EPHB1: variants seen among roughly 807,000 people sequenced by gnomAD.
The protein encoded by EPHB1 is EPH receptor B1, also known as ephrin type-B receptor 1.
Under a neutral mutation model 94.4 loss-of-function variants are expected in EPHB1, and 30 were observed. The observed-to-expected ratio is 0.32, with a 90% CI of 0.24 to 0.43. The LOEUF (loss-of-function observed/expected upper bound fraction) is 0.43, where lower values mean the gene tolerates loss of function less well. Ranked by LOEUF, EPHB1 falls within the 20% of genes least tolerant of loss-of-function variation. The pLI is 1.00. For synonymous variants in EPHB1, 522 were observed against 489.1 expected (o/e 1.07, Z -0.89); for missense variants, 1,055 against 1,308.3 (o/e 0.81, Z 2.99).
chr3:134,950,597 T>A (rs2081941440), intron 2 of EPHB1, among the ~76,000 whole-genome samples: 1 of 152,152 alleles, frequency 6.6e-6, no homozygotes, highest in South Asian at 2.1e-4. Context: ...GCATGTCACA[T>A]GGTGAGAGAT....
chr3:135,153,835 C>T (rs983112442), intron 5 of EPHB1, among the ~76,000 whole-genome samples: 1 of 152,310 alleles, frequency 6.6e-6, no homozygotes, highest in South Asian at 2.1e-4. Flanking sequence ...TCCTTTCCTT[C>T]AGTCTTTTCC....
chr3:135,249,671 AG>A (rs1932985270), intron 15 of EPHB1, among the ~76,000 whole-genome samples, 180 bp downstream of exon 15: 2 of 152,178 alleles, frequency 1.3e-5, no homozygotes, highest in African/African-American at 4.8e-5. Flanking sequence ...TGGGATGGGG[AG>A]GTGGAGATCC....
rs557598621 is a variant in EPHB1, at chr3:134,916,802, G to A, written c.59-9014G>A. 8.5e-5 allele frequency among the ~76,000 whole-genome samples: 13 copies of A among 152,334 alleles called. No homozygotes were observed. In the South Asian group the frequency reaches 2.7e-3, roughly 32 times the overall value. On this transcript the variant is annotated intron_variant, in intron 1 of 15. Transcript: ENST00000398015. ...CCGGCCTCGGCCAGCCCAGAGAAGGGCTCCCAAGGTGCAGCGGCAGGCTGA... is the reference window on the plus strand; with the variant it reads ...CCGGCCTCGGCCAGCCCAGAGAAGGACTCCCAAGGTGCAGCGGCAGGCTGA...
At chr3:135,002,606 T>G (rs1257799033) in intron 3 of EPHB1, among the ~76,000 whole-genome samples, 1 of 151,906 alleles carries the variant, frequency 6.6e-6, no homozygotes, top group Admixed American at 6.6e-5. Flanking sequence ...TTTTGGTTGG[T>G]AAGCTATTGA....
intron 3 of EPHB1, among the ~76,000 whole-genome samples, chr3:135,039,421 C>T (rs906845994): frequency 1.5e-4 from 23 of 152,240 alleles, no homozygotes; most frequent in African/African-American, 5.1e-4. Flanking sequence ...CTGCACCGTG[C>T]GCTCGCATTC....
At chr3:135,178,985 G>A (rs1942071529) in intron 9 of EPHB1, among the ~76,000 whole-genome samples, 1 of 152,102 alleles carries the variant, frequency 6.6e-6, no homozygotes, top group East Asian at 1.9e-4. Flanking sequence ...ATTACATTGT[G>A]AATGAATGCA....
At chr3:134,840,537 A>G (rs1315463062) in intron 1 of EPHB1, 1 of 152,220 alleles carries the variant, frequency 6.6e-6, no homozygotes, top group Non-Finnish European at 1.5e-5. Context: ...TAGCCTAAGT[A>G]TGCCCTAATC....
intron 3 of EPHB1, among the ~76,000 whole-genome samples, chr3:135,092,492 A>C (rs1279181291): frequency 1.3e-5 from 2 of 151,636 alleles, no homozygotes; most frequent in Non-Finnish European, 2.9e-5. Context: ...CACTTCCTTT[A>C]CCTCCCTGCT....
intron 3 of EPHB1, among the ~76,000 whole-genome samples, chr3:135,094,616 C>T (rs1000188142): frequency 9.9e-5 from 15 of 152,246 alleles, no homozygotes; most frequent in Admixed American, 6.5e-5. Flanking sequence ...TCTCCAGCCT[C>T]AGTTTCCCCC....
chr3:135,074,160 T>C (rs1198308221), intron 3 of EPHB1, among the ~76,000 whole-genome samples: 2 of 152,242 alleles, frequency 1.3e-5, no homozygotes, highest in East Asian at 1.9e-4. Context: ...TATTTAGTTA[T>C]GGTTTGTATA....
intron 9 of EPHB1, among the ~76,000 whole-genome samples, chr3:135,167,975 T>C: frequency 6.6e-6 from 1 of 152,160 alleles, no homozygotes; most frequent in East Asian, 1.9e-4. Flanking sequence ...GGGGTGAACA[T>C]GGACTCCCAG....
At chr3:134,924,970 T>C (rs1466605548) in intron 1 of EPHB1, among the ~76,000 whole-genome samples, 2 of 152,244 alleles carry the variant, frequency 1.3e-5, no homozygotes, top group African/African-American at 4.8e-5. Flanking sequence ...TTGGGTATGA[T>C]GAATATGTTT....
intron 10 of EPHB1, 28 bp downstream of exon 10, chr3:135,180,010 T>C (rs763551923): frequency 2.5e-6 from 4 of 1,612,564 alleles, no homozygotes; most frequent in African/African-American, 1.3e-5. Flanking sequence ...CTTGTTTCTG[T>C]TCTCCTGGTG....
chr3:135,151,148 G>A (rs1364647030), intron 5 of EPHB1, among the ~76,000 whole-genome samples: 1 of 151,974 alleles, frequency 6.6e-6, no homozygotes, highest in Admixed American at 6.6e-5. Flanking sequence ...GCTTTTACAT[G>A]GCCCCTGCAT....
intron 3 of EPHB1, among the ~76,000 whole-genome samples, chr3:134,969,833 C>T (rs1933900320): frequency 6.6e-6 from 1 of 152,086 alleles, no homozygotes; most frequent in African/African-American, 2.4e-5. Context: ...GTGGACTTTT[C>T]AGGAGTCCAC....
intron 3 of EPHB1, among the ~76,000 whole-genome samples, chr3:134,957,483 C>G (rs1002853489): frequency 4.6e-5 from 7 of 152,152 alleles, no homozygotes; most frequent in Non-Finnish European, 1.0e-4. Context: ...AGCCTACAGG[C>G]CACCAGGAGG....
chr3:134,798,731 G>A (rs959969162), intron 1 of EPHB1, among the ~76,000 whole-genome samples: 2 of 152,184 alleles, frequency 1.3e-5, no homozygotes, highest in African/African-American at 4.8e-5. Flanking sequence ...GTTGAGAATG[G>A]GCTGCTGGTG....
intron 1 of EPHB1, among the ~76,000 whole-genome samples, chr3:134,812,525 T>A (rs992724058): frequency 6.6e-6 from 1 of 152,242 alleles, no homozygotes; most frequent in Non-Finnish European, 1.5e-5. Context: ...TTGGTGGACA[T>A]TTGCTTATAG....
chr3:135,218,309 A>T (rs1462217183), intron 12 of EPHB1, among the ~76,000 whole-genome samples: 1 of 152,176 alleles, frequency 6.6e-6, no homozygotes, highest in African/African-American at 2.4e-5. Flanking sequence ...CTTCAGGCAG[A>T]TTTGGCTCCT....
Sources: gnomAD v4.1 joint callset for allele counts (sites outside exome capture counted in the v4.1 genomes callset) on GRCh38, gnomAD v4.1.1 for gene constraint, MANE v1.5 for transcripts, NCBI Gene and HGNC (gene_info 2026-07-23, HGNC 2026-07-21) for gene names.